DST: variants seen among roughly 807,000 people sequenced by gnomAD.
DST encodes dystonin.
In DST, 253 loss-of-function variants were observed where a neutral mutation model predicts 875.2. That is an observed-to-expected ratio of 0.29 (90% CI 0.26 to 0.32). DST has a LOEUF of 0.32. Among genes scored for constraint, DST ranks in the 10% least tolerant of loss-of-function variants. The probability of loss-of-function intolerance (pLI) is 1.00; values close to 1 mark genes in which losing one functional copy is unlikely to be tolerated. For synonymous variants in DST, 3,124 were observed against 3,197.1 expected, an observed-to-expected ratio of 0.98 and a Z score of 0.77; for missense variants, 8,287 against 9,111.6, an observed-to-expected ratio of 0.91 and a Z score of 3.68.
intron 2 of DST, among the ~76,000 whole-genome samples, chr6:56,902,743 C>G (rs1174703825): frequency 6.6e-6 from 1 of 152,204 alleles, no homozygotes; most frequent in Non-Finnish European, 1.5e-5. Context: ...TCCCACGTAA[C>G]TCAGGAGGTA....
At chr6:56,887,510 A>G (rs1007913680) in intron 3 of DST, among the ~76,000 whole-genome samples, 12 of 152,184 alleles carry the variant, frequency 7.9e-5, no homozygotes, top group African/African-American at 2.9e-4. Flanking sequence ...GAAATAATAA[A>G]CTAGACCATC....
At chr6:56,810,481 T>C (rs1449333452) in intron 4 of DST, among the ~76,000 whole-genome samples, 1 of 152,154 alleles carries the variant, frequency 6.6e-6, no homozygotes, top group Non-Finnish European at 1.5e-5. Flanking sequence ...GTTCATAAAT[T>C]CTATGTTAAA....
chr6:56,620,256 C>G, intron 36 of DST: 1 of 1,614,042 alleles, frequency 6.2e-7, no homozygotes, highest in Non-Finnish European at 8.5e-7. Flanking sequence ...AGACTTAAAT[C>G]TTTTCTTTTA....
rs2098328511 is a variant in DST, at chr6:56,593,774, G to A, written c.12615C>T (p.Ala4205=). 1.9e-6 allele frequency: 3 copies of A among 1,613,818 alleles called. No individual in the cohort carries two copies. In the East Asian group the frequency reaches 6.7e-5, roughly 36 times the overall value. ...TISGNRVLEA[A]KSCSKRDGGK... is the part of the protein sequence containing the mutation. ...CACCGTCTCTCTTGCTGCAAGATTT[G>A]GCAGCTTCCAACACTCTGTTTCCAG... Residue 4205 remains alanine, a synonymous_variant, in exon 48 of 104, where the codon GCC becomes GCT. Transcript: ENST00000680361.
At chr6:56,668,588 A>AT (rs1174587438) in intron 10 of DST, among the ~76,000 whole-genome samples, 3 of 151,962 alleles carry the variant, frequency 2.0e-5, no homozygotes, top group African/African-American at 7.3e-5. Flanking sequence ...CTAAAAATAA[A>AT]TAAAAAAAAA....
In DST at chr6:56,692,172, G is replaced by A. The variant is rs115567476; in HGVS notation, c.1047+7481C>T. Among the ~76,000 whole-genome samples the A allele has an allele frequency of 4.2e-3, 640 of 152,216 alleles. 2 individuals carry two copies. Among genetic ancestry groups the A allele is most frequent in the Middle Eastern group, 0.01 (3 of 294 alleles). On this transcript the variant is annotated intron_variant, in intron 9 of 103. Transcript: ENST00000680361. ...TTCCACCAATAATGAAAATGTACAGGATTTTTAGATTAAAGTGTGGTCAAA... is the reference window on the plus strand; with the variant it reads ...TTCCACCAATAATGAAAATGTACAGAATTTTTAGATTAAAGTGTGGTCAAA...
intron 49 of DST, among the ~76,000 whole-genome samples, chr6:56,580,999 T>C (rs1484372747): frequency 1.4e-5 from 2 of 138,912 alleles, no homozygotes; most frequent in African/African-American, 5.5e-5. Flanking sequence ...CCGTCCAAAG[T>C]GCTGGGATTA....
At chr6:56,619,855 C>G in intron 36 of DST, 1 of 1,614,082 alleles carries the variant, frequency 6.2e-7, no homozygotes, top group Non-Finnish European at 8.5e-7. Flanking sequence ...TTTTTTCAAG[C>G]TGGAGGGCAT....
chr6:56,707,541 T>A (rs2099345949), intron 5 of DST, among the ~76,000 whole-genome samples: 3 of 152,208 alleles, frequency 2.0e-5, no homozygotes, highest in Admixed American at 2.0e-4. Flanking sequence ...ATGATTACTT[T>A]GGGGACTTCC....
At chr6:56,832,928 T>C (rs1473926451) in intron 4 of DST, among the ~76,000 whole-genome samples, 3 of 152,058 alleles carry the variant, frequency 2.0e-5, no homozygotes, top group Non-Finnish European at 4.4e-5. Context: ...TTAGTAAAGA[T>C]GGGGTTTCAC....
At chr6:56,914,681 A>G (rs1800106108) in intron 2 of DST, among the ~76,000 whole-genome samples, 1 of 152,200 alleles carries the variant, frequency 6.6e-6, no homozygotes, top group East Asian at 1.9e-4. Context: ...AAACAGTCTG[A>G]TTTCCTGAAC....
chr6:56,887,171 G>A (rs1470506290), intron 3 of DST, among the ~76,000 whole-genome samples: 1 of 152,184 alleles, frequency 6.6e-6, no homozygotes, highest in Non-Finnish European at 1.5e-5. Flanking sequence ...AAGTACTGAA[G>A]CAGAGAGGAA....
intron 4 of DST, chr6:56,843,469 G>A (rs889592160): frequency 3.0e-6 from 3 of 999,550 alleles, no homozygotes; most frequent in African/African-American, 1.7e-5. Flanking sequence ...CCAAGCGGAG[G>A]AGCGGGGCGT....
In DST at chr6:56,530,007, T is replaced by C. The variant is rs757658809; in HGVS notation, c.17235A>G (p.Ala5745=). 144 of 1,613,524 alleles carry C rather than the reference T, an allele frequency of 8.9e-5. No homozygotes were observed. Among genetic ancestry groups the C allele is most frequent in the Non-Finnish European group, 1.2e-4 (142 of 1,179,708 alleles). The part of the protein sequence containing the change: ...LVNCEPIGTQ[A]SKLEEQIAQH... ...GTGCAATTTGTTCCTCAAGTTTAGA[T>C]GCTTGGGTTCCTATGGGTTCACAAT... is the stretch of plus-strand genomic sequence containing the variant. Residue 5745 remains alanine (A), a synonymous_variant, in exon 65 of 104, where the codon GCA becomes GCG. Coordinates refer to ENST00000680361, the MANE Select transcript of DST (RefSeq NM_001374736.1).
Position 56,608,274 on chromosome 6 carries a change from G to T in DST, c.6354C>A (p.Val2118=). Residue 2118 remains valine, a synonymous_variant, in exon 40 of 104, where the codon GTC becomes GTA. Transcript: ENST00000680361. ...GCTGTTTAGCAGCATCCAAACCAAT[G>T]ACTTGAGAACTTTCTGGAATATAAA... is the stretch of plus-strand genomic sequence containing the variant. ...AALYIPESSQ[V]IGLDAAKQLG... is the part of the protein sequence containing the mutation. 2 of 1,613,626 alleles carry T rather than the reference G, an allele frequency of 1.2e-6. No individual in the cohort carries two copies. Among genetic ancestry groups the T allele is most frequent in the Non-Finnish European group, 1.7e-6 (2 of 1,179,780 alleles).
intron 72 of DST, 83 bp downstream of exon 72, chr6:56,515,367 G>A (rs2096568955): frequency 1.4e-6 from 2 of 1,471,138 alleles, no homozygotes; most frequent in South Asian, 2.5e-5. Context: ...TCATGTAAGT[G>A]TTTAACTGTA....
At chr6:56,537,602 A>G (rs559795574) in intron 61 of DST, among the ~76,000 whole-genome samples, 2 of 152,336 alleles carry the variant, frequency 1.3e-5, no homozygotes, top group African/African-American at 4.8e-5. Context: ...AAGAAATACA[A>G]TGACCTCACC....
At chr6:56,516,157 GAGAGAA>G (rs369339428) in intron 71 of DST, among the ~76,000 whole-genome samples, 4 of 67,764 alleles carry the variant, frequency 5.9e-5, no homozygotes, top group Non-Finnish European at 1.5e-4. Flanking sequence ...GAAAGAGAAA[GAGAGAA>G]AGAGAAAGAG....
intron 102 of DST, chr6:56,461,839 CTAA>C (rs2094346616): frequency 6.6e-6 from 1 of 152,170 alleles, no homozygotes; most frequent in Non-Finnish European, 1.5e-5. Context: ...ATATATAATA[CTAA>C]CATCACCCAG....
Sources: gnomAD v4.1 joint callset for allele counts (sites outside exome capture counted in the v4.1 genomes callset) on GRCh38, gnomAD v4.1.1 for gene constraint, MANE v1.5 for transcripts, NCBI Gene and HGNC (gene_info 2026-07-23, HGNC 2026-07-21) for gene names.